CD74: variants seen among roughly 807,000 people sequenced by gnomAD.
CD74 encodes the protein HLA class II histocompatibility antigen gamma chain.
Under a neutral mutation model 37.1 loss-of-function variants are expected in CD74, and 20 were observed. The ratio of observed to expected loss-of-function variants is 0.54; its 90% CI spans 0.38 to 0.78. The LOEUF is 0.78. CD74 is among the 30% of genes least tolerant of loss of function. CD74 has a pLI of 0.00. For missense variants in CD74, 338 were observed against 389.5 expected, an observed-to-expected ratio of 0.87 and a Z score of 1.11; for synonymous variants, 150 against 152.0, an observed-to-expected ratio of 0.99 and a Z score of 0.10.
At position 150,401,766 on chromosome 5, in the gene CD74, G is replaced by A. The variant is rs115540024; in HGVS notation, c.*474C>T. The A allele has an allele frequency of 9.3e-5, 56 of 603,930 alleles. No homozygotes were observed. Among genetic ancestry groups the A allele is most frequent in the African/African-American group, 8.9e-4 (48 of 54,116 alleles). 37.4% of individuals were successfully genotyped at this position (603,930 alleles called of 1,614,324 possible). ...GTGGAAAACATTGGCTCTTCCTTGGGGAGTGATGCTGGGGAAAGGGAAGAG... is the reference window on the plus strand; with the variant it reads ...GTGGAAAACATTGGCTCTTCCTTGGAGAGTGATGCTGGGGAAAGGGAAGAG... On this transcript the variant is annotated 3_prime_UTR_variant, in exon 9 of 9. Transcript: ENST00000009530.
At position 150,402,186 on chromosome 5, in the gene CD74, G is replaced by A. The variant is rs2151165359; in HGVS notation, c.*54C>T. 4.4e-6 allele frequency: 7 copies of A among 1,584,398 alleles called. No homozygotes were observed. Among genetic ancestry groups the A allele is most frequent in the Non-Finnish European group, 6.0e-6 (7 of 1,164,934 alleles). ...AGGGGCTGGGGGCTGAAGGGAGCAA[G>A]AAAGCTGTAGCTGTGTGGGGCTGGC... On this transcript the variant is annotated 3_prime_UTR_variant, in exon 9 of 9. Transcript: ENST00000009530. The surrounding 1 kb of genome is among the most constrained non-coding windows in gnomAD (Gnocchi z 4.2).
At chr5:150,409,806 C>A (rs1770233870) in intron 1 of CD74, among the ~76,000 whole-genome samples, 1 of 150,154 alleles carries the variant, frequency 6.7e-6, no homozygotes, top group African/African-American at 2.5e-5. Context: ...ATTACGCAGT[C>A]TGTGGTATTC....
In CD74 at chr5:150,407,137, T is replaced by C. The variant is rs372583328; in HGVS notation, c.298+15A>G. ...GTGGGAGGTGGGGGGTATCAGGATGTAGGGGTGCACGCACGCTTGGGAAGC... is the reference window on the plus strand; with the variant it reads ...GTGGGAGGTGGGGGGTATCAGGATGCAGGGGTGCACGCACGCTTGGGAAGC... On this transcript the variant is annotated intron_variant, in intron 2 of 8. Coordinates refer to ENST00000009530, the MANE Select transcript of CD74 (RefSeq NM_001025159.3). The surrounding 1 kb of genome is among the most constrained non-coding windows in gnomAD (Gnocchi z 4.4). The C allele has an allele frequency of 1.1e-5, 17 of 1,610,094 alleles. No individual in the cohort carries two copies. The highest frequency in any genetic ancestry group is 1.4e-5 in the Non-Finnish European group (16 of 1,177,794).
At chr5:150,409,743 T>C (rs549809528) in intron 1 of CD74, among the ~76,000 whole-genome samples, 3 of 144,998 alleles carry the variant, frequency 2.1e-5, no homozygotes, top group Non-Finnish European at 3.0e-5. Flanking sequence ...CCTCCAGAAC[T>C]GTGAGAAATA....
rs1212461364 is a variant in CD74 at position 150,402,361 on chromosome 5, C to T, written c.881-111G>A. ...TAAGGACTGTCCACCCTCCCCTGCC[C>T]CCTGCTCAGGTCCAATAATGACCAT... is the stretch of plus-strand genomic sequence containing the variant. On this transcript the variant is annotated intron_variant, in intron 8 of 8. Transcript: ENST00000009530. This position sits in a 1 kb window ranked among gnomAD's most constrained non-coding sequence, Gnocchi z 4.2. The T allele has an allele frequency of 1.1e-6, 1 of 916,842 alleles. No individual in the cohort carries two copies. Among genetic ancestry groups the T allele is most frequent in the African/African-American group, 1.6e-5 (1 of 61,848 alleles). 56.8% of individuals were successfully genotyped at this position (916,842 alleles called of 1,614,324 possible). A position where few individuals can be genotyped will look rare whatever the true frequency, so the allele number is the denominator to read the frequency against.
At position 150,403,575 on chromosome 5, in the gene CD74, T is replaced by A. The variant is rs187020457; in HGVS notation, c.626-263A>T. 2.0e-5 allele frequency among the ~76,000 whole-genome samples: 3 copies of A among 152,316 alleles called. No homozygotes were observed. The highest frequency in any genetic ancestry group is 6.5e-5 in the Admixed American group (1 of 15,296). On this transcript the variant is annotated intron_variant, in intron 6 of 8. Transcript: ENST00000009530. The surrounding 1 kb of genome is among the most constrained non-coding windows in gnomAD (Gnocchi z 4.5). ...TGACACTCAAAGCCCATTACAGTTT[T>A]GGGCCAGGCACAGTGGCTCATGCCT...
rs1352903140 is a variant in CD74 at position 150,403,633 on chromosome 5, C to T, written c.626-321G>A. ...TAGCACTTTGGGAGGCCGAGGTGGG[C>T]GGATCACTTGAGGTCAGGAGTTCAA... On this transcript the variant is annotated intron_variant, in intron 6 of 8. Transcript: ENST00000009530. The surrounding 1 kb of genome is among the most constrained non-coding windows in gnomAD (Gnocchi z 4.5). 3.9e-5 allele frequency among the ~76,000 whole-genome samples: 6 copies of T among 152,058 alleles called. No homozygotes were observed. Among genetic ancestry groups the T allele is most frequent in the African/African-American group, 9.7e-5 (4 of 41,388 alleles).
At position 150,402,062 on chromosome 5, in the gene CD74, T is replaced by A; in HGVS notation, c.*178A>T. ...ATTGGGCAGCAGGGCCTTGCTGCAT[T>A]GTTATCTGCTGTTCCGACTTGGTTT... On this transcript the variant is annotated 3_prime_UTR_variant, in exon 9 of 9. Transcript: ENST00000009530. This position sits in a 1 kb window ranked among gnomAD's most constrained non-coding sequence, Gnocchi z 4.2. The A allele has an allele frequency of 6.5e-7, 1 of 1,538,824 alleles. No individual in the cohort carries two copies. Among genetic ancestry groups the A allele is most frequent in the Non-Finnish European group, 8.7e-7 (1 of 1,146,838 alleles).
chr5:150,407,020 C>A lies in CD74; in HGVS notation c.299-60G>T. 6.5e-7 allele frequency: 1 copy of A among 1,536,448 alleles called. No individual in the cohort carries two copies. ...GGTGCCCAGGGAGGAGGGTATCAGA[C>A]CCAGATGAGGAAGGGCTGGAATTCC... On this transcript the variant is annotated intron_variant, in intron 2 of 8. Coordinates refer to ENST00000009530, the MANE Select transcript of CD74 (RefSeq NM_001025159.3). The surrounding 1 kb of genome is among the most constrained non-coding windows in gnomAD (Gnocchi z 4.4).
intron 4 of CD74, chr5:150,406,010 A>G (rs908846808): frequency 1.6e-5 from 6 of 378,598 alleles, no homozygotes; most frequent in African/African-American, 6.1e-5. Flanking sequence ...GCCTCAGGTG[A>G]TCTGCCTGCC....
rs1448410351 is a variant in CD74 at position 150,402,451 on chromosome 5, C to G, written c.880+112G>C. ...TCCTTCGTCTGTGAAATGGACATCCCAGGAATGTTGGAGAGTGGCCCAGCG... is the reference window on the plus strand; with the variant it reads ...TCCTTCGTCTGTGAAATGGACATCCGAGGAATGTTGGAGAGTGGCCCAGCG... On this transcript the variant is annotated intron_variant, in intron 8 of 8. Coordinates refer to ENST00000009530, the MANE Select transcript of CD74 (RefSeq NM_001025159.3). This position sits in a 1 kb window ranked among gnomAD's most constrained non-coding sequence, Gnocchi z 4.2. 1 of 1,019,554 alleles carries G rather than the reference C, an allele frequency of 9.8e-7. No individual in the cohort carries two copies. Among genetic ancestry groups the G allele is most frequent in the African/African-American group, 1.6e-5 (1 of 63,582 alleles). The allele number at this position is 1,019,554 out of a possible 1,614,324, so 63.2% of individuals were successfully genotyped here.
chr5:150,405,718 G>A (rs976768394), intron 4 of CD74: 1 of 157,380 alleles, frequency 6.4e-6, no homozygotes, highest in Non-Finnish European at 1.4e-5. Flanking sequence ...GAAAAAAAGG[G>A]TGTCTTGAGC....
intron 5 of CD74, 61 bp from the exon 6 acceptor site, chr5:150,404,828 G>T: frequency 1.7e-6 from 2 of 1,198,626 alleles, no homozygotes; most frequent in Non-Finnish European, 2.4e-6. Flanking sequence ...TACACTGCCT[G>T]GCTTTGCCCC....
chr5:150,412,784 T>G lies in CD74; in HGVS notation c.-35A>C. 1 of 1,612,830 alleles carries G rather than the reference T, an allele frequency of 6.2e-7. No homozygotes were observed. Among genetic ancestry groups the G allele is most frequent in the Non-Finnish European group, 8.5e-7 (1 of 1,179,650 alleles). ...TGACCCCCCGGCTCGCCTCTTAAAG[T>G]CGGTGCTGGAGAGGAATCTGATTCG... is the stretch of plus-strand genomic sequence containing the variant. On this transcript the variant is annotated 5_prime_UTR_variant, in exon 1 of 9. Transcript: ENST00000009530.
At chr5:150,408,639 T>C (rs1770139789) in intron 1 of CD74, among the ~76,000 whole-genome samples, 1 of 152,190 alleles carries the variant, frequency 6.6e-6, no homozygotes, top group African/African-American at 2.4e-5. Flanking sequence ...CTTGTATCTG[T>C]GGGACTTGGA....
At chr5:150,406,745 G>C in intron 3 of CD74, 136 bp downstream of exon 3, 1 of 616,190 alleles carries the variant, frequency 1.6e-6, no homozygotes, top group South Asian at 2.3e-5. Flanking sequence ...GATTCTTCCT[G>C]AGGCAGGCAC....
chr5:150,402,993 T>C lies in CD74; in HGVS notation c.817+128A>G. ...ATGGATAAAGGGCTGGACGCATGAC[T>C]ACGTCACTGCCCCCAGGAGCTGCCA... On this transcript the variant is annotated intron_variant, in intron 7 of 8. Transcript: ENST00000009530. The surrounding 1 kb of genome is among the most constrained non-coding windows in gnomAD (Gnocchi z 4.2). The C allele has an allele frequency of 1.4e-6, 1 of 715,734 alleles. No individual in the cohort carries two copies. Among genetic ancestry groups the C allele is most frequent in the Non-Finnish European group, 2.3e-6 (1 of 426,710 alleles). 44.3% of individuals were successfully genotyped at this position (715,734 alleles called of 1,614,324 possible).
chr5:150,401,980 G>T lies in CD74; in HGVS notation c.*260C>A. 3 of 1,348,174 alleles carry T rather than the reference G, an allele frequency of 2.2e-6. No individual in the cohort carries two copies. The South Asian group carries it at 3.7e-5, about 17-fold the overall frequency. 83.5% of individuals were successfully genotyped at this position (1,348,174 alleles called of 1,614,324 possible). A position where few individuals can be genotyped will look rare whatever the true frequency, so the allele number is the denominator to read the frequency against. On this transcript the variant is annotated 3_prime_UTR_variant, in exon 9 of 9. Coordinates refer to ENST00000009530, the MANE Select transcript of CD74 (RefSeq NM_001025159.3). The stretch of plus-strand genomic sequence containing the variant: ...AGGCTGCTGTGATGTCAGGAACGGG[G>T]ATCTGTCTAGCTTTTGGCCACTTCC...
At chr5:150,411,958 C>CTTTA (rs1220233465) in intron 1 of CD74, among the ~76,000 whole-genome samples, 5 of 152,068 alleles carry the variant, frequency 3.3e-5, no homozygotes, top group Non-Finnish European at 5.9e-5. Flanking sequence ...GGTGCAAGGT[C>CTTTA]TTTATTTATT....
Sources: gnomAD v4.1 joint callset for allele counts (sites outside exome capture counted in the v4.1 genomes callset) on GRCh38, gnomAD v4.1.1 for gene constraint, Gnocchi (gnomAD v3.1) non-coding constraint, MANE v1.5 for transcripts, NCBI Gene and HGNC (gene_info 2026-07-23, HGNC 2026-07-21) for gene names.